Variants in CACNA1C observed in about 807,000 individuals in gnomAD.
CACNA1C encodes calcium voltage-gated channel subunit alpha1 C.
A neutral mutation model predicts 229.0 loss-of-function variants in CACNA1C; 30 were observed. The ratio of observed to expected loss-of-function variants is 0.13; its 90% CI spans 0.10 to 0.18. The LOEUF is 0.18. Among genes scored for constraint, CACNA1C ranks in the 10% least tolerant of loss-of-function variants. CACNA1C has a pLI of 1.00. For missense variants in CACNA1C, 1,658 were observed against 2,845.0 expected, an observed-to-expected ratio of 0.58 and a Z score of 9.49; for synonymous variants, 1,114 against 1,132.5, an observed-to-expected ratio of 0.98 and a Z score of 0.33.
intron 7 of CACNA1C, among the ~76,000 whole-genome samples, chr12:2,500,709 C>T (rs559156949): frequency 3.9e-5 from 6 of 152,292 alleles, no homozygotes; most frequent in East Asian, 3.9e-4. Context: ...GATCCCCTGA[C>T]GCACACGGGG....
chr12:2,093,430 G>A (rs1023513389), intron 1 of CACNA1C, among the ~76,000 whole-genome samples: 9 of 152,254 alleles, frequency 5.9e-5, no homozygotes, highest in Non-Finnish European at 1.5e-5. Context: ...GTTGGAGCAG[G>A]AGGAGAAGTT....
Position 2,654,382 on chromosome 12 carries a change from A to G in CACNA1C, c.4140+482A>G, listed in dbSNP as rs2095295634. 6.6e-6 allele frequency among the ~76,000 whole-genome samples: 1 copy of G among 152,148 alleles called. No individual in the cohort carries two copies. Among genetic ancestry groups the G allele is most frequent in the African/African-American group, 2.4e-5 (1 of 41,438 alleles). On this transcript the variant is annotated intron_variant, in intron 33 of 46. Transcript: ENST00000399655. This position sits in a 1 kb window ranked among gnomAD's most constrained non-coding sequence, Gnocchi z 4.4. ...AAGCAAGGAAGGGCCAAATCAACAC[A>G]AGGTTCACCGCATCAAATGTGCAGC...
Position 2,677,541 on chromosome 12 carries a change from G to A in CACNA1C, c.4957-192G>A, listed in dbSNP as rs1322020993. On this transcript the variant is annotated intron_variant, in intron 40 of 46. Transcript: ENST00000399655. This position sits in a 1 kb window ranked among gnomAD's most constrained non-coding sequence, Gnocchi z 7.4. ...AATGAGCCTTCATCCCTCCTGGATG[G>A]GCGAGTGGATTGTTCCATCAGAGGG... is the stretch of plus-strand genomic sequence containing the variant. 3.6e-5 allele frequency: 24 copies of A among 667,148 alleles called. No individual in the cohort carries two copies. Among genetic ancestry groups the A allele is most frequent in the Non-Finnish European group, 5.9e-5 (23 of 391,934 alleles). 41.3% of individuals were successfully genotyped at this position (667,148 alleles called of 1,614,324 possible). A position where few individuals can be genotyped will look rare whatever the true frequency, so the allele number is the denominator to read the frequency against.
chr12:2,364,933 G>A (rs928685448), intron 3 of CACNA1C, among the ~76,000 whole-genome samples: 2 of 152,226 alleles, frequency 1.3e-5, no homozygotes, highest in Non-Finnish European at 2.9e-5. Flanking sequence ...TACCACATGG[G>A]CCTCTGCGGT....
chr12:2,651,809 G>C lies in CACNA1C; in HGVS notation c.4074+41G>C. 6.6e-7 allele frequency: 1 copy of C among 1,504,226 alleles called. No individual in the cohort carries two copies. The highest frequency in any genetic ancestry group is 9.1e-7 in the Non-Finnish European group (1 of 1,104,186). 93.2% of individuals were successfully genotyped at this position (1,504,226 alleles called of 1,614,324 possible). A position where few individuals can be genotyped will look rare whatever the true frequency, so the allele number is the denominator to read the frequency against. ...GTCCTGCGGCCCGGGGAATCGCAGGGCTGCCGCGTGGCCCAGAACACAGCT... is the reference window on the plus strand; with the variant it reads ...GTCCTGCGGCCCGGGGAATCGCAGGCCTGCCGCGTGGCCCAGAACACAGCT... On this transcript the variant is annotated intron_variant, in intron 32 of 46. Transcript: ENST00000399655. The surrounding 1 kb of genome is among the most constrained non-coding windows in gnomAD (Gnocchi z 5.4).
rs893353785 is a variant in CACNA1C at position 2,601,288 on chromosome 12, G to C, written c.2854-566G>C. On this transcript the variant is annotated intron_variant, in intron 21 of 46. Coordinates refer to ENST00000399655, the MANE Select transcript of CACNA1C (RefSeq NM_000719.7). The surrounding 1 kb of genome is among the most constrained non-coding windows in gnomAD (Gnocchi z 5.9). ...GGCACCAGGGTGACCAGCTGGCCTA[G>C]TTTGCCTAAGACTGAGGAGTTTTCT... 6.6e-6 allele frequency among the ~76,000 whole-genome samples: 1 copy of C among 152,192 alleles called. No individual in the cohort carries two copies. Among genetic ancestry groups the C allele is most frequent in the Non-Finnish European group, 1.5e-5 (1 of 68,040 alleles).
intron 1 of CACNA1C, among the ~76,000 whole-genome samples, chr12:2,038,908 A>G (rs2049609329): frequency 6.6e-6 from 1 of 151,186 alleles, no homozygotes. Context: ...CTTAACATAA[A>G]TTTTGTCAAA....
intron 1 of CACNA1C, among the ~76,000 whole-genome samples, chr12:1,993,933 G>A (rs1233586319): frequency 1.3e-5 from 2 of 152,174 alleles, no homozygotes; most frequent in African/African-American, 2.4e-5. Flanking sequence ...TGAGGACACA[G>A]CCTGAACTAG....
At chr12:2,435,762 C>G (rs1230513290) in intron 3 of CACNA1C, among the ~76,000 whole-genome samples, 1 of 152,192 alleles carries the variant, frequency 6.6e-6, no homozygotes, top group Non-Finnish European at 1.5e-5. Context: ...GTGCCCGGCA[C>G]TATACAATGC....
At chr12:2,405,621 C>T (rs1250165735) in intron 3 of CACNA1C, among the ~76,000 whole-genome samples, 2 of 152,168 alleles carry the variant, frequency 1.3e-5, no homozygotes, top group African/African-American at 4.8e-5. Flanking sequence ...CTAAGTATTA[C>T]ATTATATATA....
chr12:2,103,661 T>C (rs2077202209), intron 1 of CACNA1C, among the ~76,000 whole-genome samples: 1 of 152,266 alleles, frequency 6.6e-6, no homozygotes, highest in East Asian at 1.9e-4. Flanking sequence ...CATGCCAATG[T>C]CCTTAATGGT....
intron 8 of CACNA1C, among the ~76,000 whole-genome samples, chr12:2,507,635 C>G (rs1420147332): frequency 3.3e-5 from 5 of 152,256 alleles, no homozygotes; most frequent in African/African-American, 9.6e-5. Flanking sequence ...CTAGCATTCT[C>G]TGTGTCAGGC....
chr12:2,691,038 G>T lies in CACNA1C; in HGVS notation c.6256G>T (p.Ala2086Ser), dbSNP rs763324710. The T allele has an allele frequency of 1.2e-6, 2 of 1,602,866 alleles. No individual in the cohort carries two copies. Reference protein sequence around the residue: ...SAADNILSGGAPQSPNGALLP... With the variant: ...SAADNILSGGSPQSPNGALLP... ...GGCCGACAACATCCTCAGCGGGGGCGCCCCACAGAGCCCCAATGGCGCCCT... is the reference window on the plus strand; with the variant it reads ...GGCCGACAACATCCTCAGCGGGGGCTCCCCACAGAGCCCCAATGGCGCCCT... Residue 2086 changes from alanine (A) to serine (S), a missense_variant, in exon 47 of 47, where the codon GCC (alanine) becomes TCC (serine). This residue lies in a region of CACNA1C where 590 missense variants were observed against 700.8 expected (regional missense o/e 0.84). Transcript: ENST00000399655.
intron 3 of CACNA1C, among the ~76,000 whole-genome samples, chr12:2,304,387 C>G (rs774448717): frequency 1.1e-4 from 17 of 152,208 alleles, no homozygotes; most frequent in Non-Finnish European, 2.4e-4. Context: ...CCTCTCACAG[C>G]AGCGACAGCA....
intron 34 of CACNA1C, among the ~76,000 whole-genome samples, chr12:2,658,060 C>A (rs1261532920): frequency 6.0e-5 from 9 of 151,156 alleles, no homozygotes; most frequent in African/African-American, 9.7e-5. Flanking sequence ...CCAAATAGAC[C>A]AAAATAGAAA....
intron 3 of CACNA1C, among the ~76,000 whole-genome samples, chr12:2,308,870 C>T (rs1225144901): frequency 6.6e-6 from 1 of 152,134 alleles, no homozygotes; most frequent in African/African-American, 2.4e-5. Flanking sequence ...ACAAGGGAAT[C>T]CTGCAGGGTA....
chr12:2,001,689 G>A (rs751797345), intron 1 of CACNA1C, among the ~76,000 whole-genome samples: 1 of 152,128 alleles, frequency 6.6e-6, no homozygotes, highest in Non-Finnish European at 1.5e-5. Context: ...ATTATCCAGA[G>A]GTTTTAGTTT....
At position 2,665,209 on chromosome 12, in the gene CACNA1C, G is replaced by A. The variant is rs1277282881; in HGVS notation, c.4398+219G>A. On this transcript the variant is annotated intron_variant, in intron 35 of 46. Coordinates refer to ENST00000399655, the MANE Select transcript of CACNA1C (RefSeq NM_000719.7). This position sits in a 1 kb window ranked among gnomAD's most constrained non-coding sequence, Gnocchi z 5.9. Reference sequence around the variant, plus strand: ...GCATCTTGCTTGTCTGTTCTTGGCTGTTGTCATGGTGGCATTGTCCCAGAG... The same window carrying A: ...GCATCTTGCTTGTCTGTTCTTGGCTATTGTCATGGTGGCATTGTCCCAGAG... Among the ~76,000 whole-genome samples, 1 of 152,240 alleles carries A rather than the reference G, an allele frequency of 6.6e-6. No homozygotes were observed. The highest frequency in any genetic ancestry group is 1.5e-5 in the Non-Finnish European group (1 of 68,038).
At chr12:2,138,509 C>T (rs1370278643) in intron 3 of CACNA1C, among the ~76,000 whole-genome samples, 4 of 151,028 alleles carry the variant, frequency 2.6e-5, no homozygotes, top group Admixed American at 6.7e-5. Flanking sequence ...GAGAAGGTGT[C>T]GAAGGCCAGG....
Sources: gnomAD v4.1 joint callset for allele counts (sites outside exome capture counted in the v4.1 genomes callset) on GRCh38, gnomAD v4.1.1 for gene constraint, gnomAD v4.1.1 regional missense constraint, Gnocchi (gnomAD v3.1) non-coding constraint, MANE v1.5 for transcripts, NCBI Gene and HGNC (gene_info 2026-07-23, HGNC 2026-07-21) for gene names.